The following TOR2A variants were observed in gnomAD, a reference collection of about 807,000 sequenced individuals.
The protein encoded by TOR2A is prosalusin.
In TOR2A, 24 loss-of-function variants were observed where a neutral mutation model predicts 28.6. That is an observed-to-expected ratio of 0.84 (90% CI 0.61 to 1.18). TOR2A has a LOEUF of 1.18. Among genes scored for constraint, TOR2A ranks in the 50% most tolerant of loss-of-function variants. TOR2A has a pLI of 0.00. For missense variants in TOR2A, 426 were observed against 448.1 expected, an observed-to-expected ratio of 0.95 and a Z score of 0.45; for synonymous variants, 203 against 203.1, an observed-to-expected ratio of 1.00 and a Z score of 0.00.
Position 127,735,107 on chromosome 9 carries a change from C to T in TOR2A, c.151+13G>A, listed in dbSNP as rs1844633218. ...TCCGCCCGCCCCTCGCTCCGGGCTC[C>T]CTGGCGCCTCACCCGGCAAGTCGGG... On this transcript the variant is annotated intron_variant, in intron 1 of 4. Coordinates refer to ENST00000373284, the MANE Select transcript of TOR2A (RefSeq NM_001085347.3). 1 of 1,464,980 alleles carries T rather than the reference C, an allele frequency of 6.8e-7. No individual in the cohort carries two copies. 90.7% of individuals were successfully genotyped at this position (1,464,980 alleles called of 1,614,324 possible).
Position 127,735,155 on chromosome 9 carries a change from G to A in TOR2A, c.116C>T (p.Ala39Val), listed in dbSNP as rs544430816. 2 of 1,485,318 alleles carry A rather than the reference G, an allele frequency of 1.3e-6. No homozygotes were observed. The highest frequency in any genetic ancestry group is 1.5e-5 in the African/African-American group (1 of 68,442). The allele number at this position is 1,485,318 out of a possible 1,614,324, so 92.0% of individuals were successfully genotyped here. A position where few individuals can be genotyped will look rare whatever the true frequency, so the allele number is the denominator to read the frequency against. ...DLASLRCTLGAFCECDFRPDL... is the reference protein window; with the variant it reads ...DLASLRCTLGVFCECDFRPDL... Reference sequence around the variant, plus strand: ...GGGCCGGAAGTCGCATTCGCAAAAGGCGCCCAAGGTGCAGCGCAGGGAAGC... The same window carrying A: ...GGGCCGGAAGTCGCATTCGCAAAAGACGCCCAAGGTGCAGCGCAGGGAAGC... Residue 39 changes from alanine (A) to valine (V), a missense_variant, in exon 1 of 5, where the codon GCC becomes GTC. By Grantham distance (64) the Ala-to-Val change is moderately conservative. Coordinates refer to ENST00000373284, the MANE Select transcript of TOR2A (RefSeq NM_001085347.3).
intron 3 of TOR2A, 89 bp downstream of exon 3, chr9:127,733,296 G>T: frequency 6.2e-7 from 1 of 1,613,324 alleles, no homozygotes; most frequent in Non-Finnish European, 8.5e-7. Context: ...TGGGGAACTG[G>T]ATTCTGCTGG....
chr9:127,733,706 CTG>C, intron 2 of TOR2A, 146 bp from the exon 3 acceptor site: 1 of 748,668 alleles, frequency 1.3e-6, no homozygotes, highest in Non-Finnish European at 2.1e-6. Flanking sequence ...GATGGTGAAA[CTG>C]TATCCCAGAT....
intron 2 of TOR2A, chr9:127,733,900 G>A (rs968985793): frequency 1.9e-5 from 8 of 417,766 alleles, no homozygotes; most frequent in African/African-American, 1.6e-4. Context: ...TCAGCCTGGT[G>A]GGTACCCTGC....
chr9:127,734,803 G>T, intron 1 of TOR2A: 1 of 526,596 alleles, frequency 1.9e-6, no homozygotes, highest in South Asian at 4.0e-5. Context: ...AATGCGAGCT[G>T]TCAACGGGGT....
rs1249128269 is a variant in TOR2A, at chr9:127,734,443, C to G, written c.273G>C (p.Leu91=). 1.2e-6 allele frequency: 2 copies of G among 1,611,284 alleles called. No individual in the cohort carries two copies. Among genetic ancestry groups the G allele is most frequent in the African/African-American group, 1.3e-5 (1 of 75,000 alleles). The change falls in exon 2 of 5, where the codon CTG becomes CTC. Residue 91 remains leucine, a synonymous_variant. Coordinates refer to ENST00000373284, the MANE Select transcript of TOR2A (RefSeq NM_001085347.3). ...PAPTKPLVLS[L]HGWTGTGKSY... ...ATTTGCCGGTGCCGGTCCAGCCGTGCAGGGAGAGGACCAGCGGCTTGGTGG... is the reference window on the plus strand; with the variant it reads ...ATTTGCCGGTGCCGGTCCAGCCGTGGAGGGAGAGGACCAGCGGCTTGGTGG...
At position 127,731,953 on chromosome 9, in the gene TOR2A, CTCTGGGT is replaced by C; in HGVS notation, c.*74_*80del. 6.5e-7 allele frequency: 1 copy of C among 1,534,600 alleles called. No individual in the cohort carries two copies. Among genetic ancestry groups the C allele is most frequent in the Non-Finnish European group, 8.8e-7 (1 of 1,142,340 alleles). ...GACACTCCGTTCATCTCACTTGGTGCTCTGGGTTCCTGTGACAGAGGCCCCTGGCCTT... is the reference window on the plus strand; with the variant it reads ...GACACTCCGTTCATCTCACTTGGTGCTCCTGTGACAGAGGCCCCTGGCCTT... On this transcript the variant is annotated 3_prime_UTR_variant, in exon 5 of 5. Transcript: ENST00000373284.
chr9:127,732,950 A>C, intron 3 of TOR2A: 1 of 1,400,662 alleles, frequency 7.1e-7, no homozygotes, highest in African/African-American at 1.4e-5. Context: ...CTGAACTTCC[A>C]GGAAGGCATC....
At position 127,731,677 on chromosome 9, in the gene TOR2A, G is replaced by A; in HGVS notation, c.*357C>T. 1.2e-6 allele frequency: 1 copy of A among 813,310 alleles called. No homozygotes were observed. Among genetic ancestry groups the A allele is most frequent in the Non-Finnish European group, 1.8e-6 (1 of 556,096 alleles). 50.4% of individuals were successfully genotyped at this position (813,310 alleles called of 1,614,324 possible). A position where few individuals can be genotyped will look rare whatever the true frequency, so the allele number is the denominator to read the frequency against. On this transcript the variant is annotated 3_prime_UTR_variant, in exon 5 of 5. Transcript: ENST00000373284. ...ATGGACACAGGGTGTGGGGTGGAGG[G>A]GAGGAGGTATGGTGCCCGACCAAGG...
Position 127,732,023 on chromosome 9 carries a change from C to T in TOR2A, c.*11G>A, listed in dbSNP as rs2131708105. On this transcript the variant is annotated 3_prime_UTR_variant, in exon 5 of 5. Transcript: ENST00000373284. ...TGGCCATCAGGGGGGCCGAGGACACCACTCAGAGAGTCAGAGGAAGAAGGC... is the reference window on the plus strand; with the variant it reads ...TGGCCATCAGGGGGGCCGAGGACACTACTCAGAGAGTCAGAGGAAGAAGGC... 6.2e-7 allele frequency: 1 copy of T among 1,610,626 alleles called. No individual in the cohort carries two copies. The highest frequency in any genetic ancestry group is 8.5e-7 in the Non-Finnish European group (1 of 1,178,156).
Position 127,732,126 on chromosome 9 carries a change from G to A in TOR2A, c.874C>T (p.Leu292=). 6.2e-7 allele frequency: 1 copy of A among 1,613,700 alleles called. No homozygotes were observed. The highest frequency in any genetic ancestry group is 1.1e-5 in the South Asian group (1 of 91,090). ...EPRDEVVQAV[L]DSTTFFPEDE... is the part of the protein sequence containing the mutation. ...TCAGGGAAGAAGGTGGTGCTGTCCA[G>A]CACAGCCTGGACAACCTCATCCCTT... Residue 292 remains leucine (L), a synonymous_variant, in exon 5 of 5, where the codon CTG becomes TTG. Coordinates refer to ENST00000373284, the MANE Select transcript of TOR2A (RefSeq NM_001085347.3).
At position 127,735,211 on chromosome 9, in the gene TOR2A, C is replaced by T; in HGVS notation, c.60G>A (p.Leu20=). The change falls in exon 1 of 5, where the codon CTG becomes CTA. Residue 20 remains leucine, a synonymous_variant. Coordinates refer to ENST00000373284, the MANE Select transcript of TOR2A (RefSeq NM_001085347.3). ...CCCAGGCGGCGGCCGCGGCCGAGAC[C>T]AGCCCGAGCAGCCCGAGGAGCGAGC... ...PWGSLLGLLG[L]VSAAAAAWDL... 1 of 1,476,186 alleles carries T rather than the reference C, an allele frequency of 6.8e-7. No individual in the cohort carries two copies. Among genetic ancestry groups the T allele is most frequent in the Non-Finnish European group, 8.9e-7 (1 of 1,121,898 alleles). The allele number at this position is 1,476,186 out of a possible 1,614,324, so 91.4% of individuals were successfully genotyped here. A position where few individuals can be genotyped will look rare whatever the true frequency, so the allele number is the denominator to read the frequency against.
chr9:127,734,236 G>A (rs1010806997), intron 2 of TOR2A, 63 bp downstream of exon 2: 1 of 1,509,424 alleles, frequency 6.6e-7, no homozygotes, highest in Admixed American at 2.2e-5. Context: ...TCTGGGCTCA[G>A]GACTTACTCC....
chr9:127,733,846 C>T lies in TOR2A; in HGVS notation c.418-286G>A, dbSNP rs545506353. On this transcript the variant is annotated intron_variant, in intron 2 of 4. Coordinates refer to ENST00000373284, the MANE Select transcript of TOR2A (RefSeq NM_001085347.3). ...TTTCTATAAAAGGGGAAGGCTCCTT[C>T]CTGCTCCCTGAAACTACACAGCAGT... The T allele has an allele frequency of 5.2e-5, 25 of 482,612 alleles. No homozygotes were observed. The East Asian group carries it at 7.3e-4, about 14-fold the overall frequency. The allele number at this position is 482,612 out of a possible 1,614,324, so 29.9% of individuals were successfully genotyped here.
In TOR2A at chr9:127,732,089, A is replaced by G; in HGVS notation, c.911T>C (p.Leu304Pro). 1.2e-6 allele frequency: 2 copies of G among 1,613,860 alleles called. No individual in the cohort carries two copies. The highest frequency in any genetic ancestry group is 1.7e-6 in the Non-Finnish European group (2 of 1,180,010). The change falls in exon 5 of 5, where the codon CTC becomes CCC. Residue 304 changes from leucine to proline, a missense_variant. Leu to Pro is a moderately conservative substitution (Grantham distance 98). Coordinates refer to ENST00000373284, the MANE Select transcript of TOR2A (RefSeq NM_001085347.3). ...STTFFPEDEQ[L>P]FSSNGCKTVA... Reference sequence around the variant, plus strand: ...GGTCTTGCAGCCGTTGGAGGAGAAGAGCTGCTCGTCTTCAGGGAAGAAGGT... The same window carrying G: ...GGTCTTGCAGCCGTTGGAGGAGAAGGGCTGCTCGTCTTCAGGGAAGAAGGT...
chr9:127,732,095 T>C lies in TOR2A; in HGVS notation c.905A>G (p.Glu302Gly). The C allele has an allele frequency of 6.2e-7, 1 of 1,613,856 alleles. No homozygotes were observed. Among genetic ancestry groups the C allele is most frequent in the Non-Finnish European group, 8.5e-7 (1 of 1,180,004 alleles). ...LDSTTFFPEDEQLFSSNGCKT... is the reference protein window; with the variant it reads ...LDSTTFFPEDGQLFSSNGCKT... The stretch of plus-strand genomic sequence containing the variant: ...GCAGCCGTTGGAGGAGAAGAGCTGC[T>C]CGTCTTCAGGGAAGAAGGTGGTGCT... The change falls in exon 5 of 5, where the codon GAG (glutamate) becomes GGG (glycine). Residue 302 changes from glutamate to glycine, a missense_variant. Glu to Gly is a moderately conservative substitution (Grantham distance 98). Transcript: ENST00000373284.
Position 127,734,528 on chromosome 9 carries a change from TGGCCGGCCA to T in TOR2A, c.179_187del (p.Leu60_Gly62del), listed in dbSNP as rs755528331. On this transcript the variant is annotated inframe_deletion, in exon 2 of 5. Coordinates refer to ENST00000373284, the MANE Select transcript of TOR2A (RefSeq NM_001085347.3). ...CACCACCAGCGCCTTGGCCAGATGC[TGGCCGGCCA>T]GGTGCTGAGCCAGGTCACACTCCAG... 2.0e-6 allele frequency: 3 copies of T among 1,535,642 alleles called. No individual in the cohort carries two copies. The Admixed American group carries it at 6.0e-5, about 31-fold the overall frequency.
rs1844445935 is a variant in TOR2A at position 127,731,979 on chromosome 9, T to C, written c.*55A>G. 6.4e-7 allele frequency: 1 copy of C among 1,570,072 alleles called. No homozygotes were observed. The highest frequency in any genetic ancestry group is 1.8e-5 in the Admixed American group (1 of 54,802). ...TCTGGGTTCCTGTGACAGAGGCCCC[T>C]GGCCTTTCCTGCATGGCCTGGCCAT... On this transcript the variant is annotated 3_prime_UTR_variant, in exon 5 of 5. Transcript: ENST00000373284.
At chr9:127,734,857 C>T (rs1844620738) in intron 1 of TOR2A, 3 of 547,844 alleles carry the variant, frequency 5.5e-6, no homozygotes, top group Non-Finnish European at 8.8e-6. Flanking sequence ...TGCACTTCTC[C>T]TTTGACGGCC....
Sources: gnomAD v4.1 joint callset for allele counts on GRCh38, gnomAD v4.1.1 for gene constraint, MANE v1.5 for transcripts, NCBI Gene and HGNC (gene_info 2026-07-23, HGNC 2026-07-21) for gene names.